The following APOBEC3A variants were observed in gnomAD, a reference collection of about 807,000 sequenced individuals.
APOBEC3A encodes DNA dC->dU-editing enzyme APOBEC-3A.
In APOBEC3A, 13 loss-of-function variants were observed where a neutral mutation model predicts 23.0. The observed-to-expected ratio is 0.57, with a 90% CI of 0.37 to 0.90. The LOEUF is 0.90. APOBEC3A is among the 40% of genes least tolerant of loss of function. The pLI, the probability that APOBEC3A is intolerant of heterozygous loss-of-function variation, is 0.01. For synonymous variants in APOBEC3A, 74 were observed against 101.3 expected, an observed-to-expected ratio of 0.73 and a Z score of 1.62; for missense variants, 179 against 264.9, an observed-to-expected ratio of 0.68 and a Z score of 2.25.
rs1922962319 is a variant in APOBEC3A at position 38,962,687 on chromosome 22, C to T, written c.*178C>T. On this transcript the variant is annotated 3_prime_UTR_variant, in exon 5 of 5. Coordinates refer to ENST00000249116, the MANE Select transcript of APOBEC3A (RefSeq NM_145699.4). ...TTAAAAAATCAGAGTGGGCCGGGCG[C>T]GGTGGCTCACGCCTGTAATCCCAGC... is the stretch of plus-strand genomic sequence containing the variant. 32 of 1,451,080 alleles carry T rather than the reference C, an allele frequency of 2.2e-5. 3 individuals carry two copies. The highest frequency in any genetic ancestry group is 1.5e-4 in the South Asian group (11 of 73,006). The allele number at this position is 1,451,080 out of a possible 1,614,324, so 89.9% of individuals were successfully genotyped here.
Position 38,962,478 on chromosome 22 carries a change from C to A in APOBEC3A, c.586-17C>A, listed in dbSNP as rs1444500871. On this transcript the variant is annotated splice_polypyrimidine_tract_variant and intron_variant, in intron 4 of 4. Transcript: ENST00000249116. ...CTCTCTCACCTCCTGCTCCATTCAA[C>A]CCCCCTGCTCTTCCAGAATCAGGGA... 1 of 1,598,428 alleles carries A rather than the reference C, an allele frequency of 6.3e-7. No individual in the cohort carries two copies. Among genetic ancestry groups the A allele is most frequent in the Non-Finnish European group, 8.5e-7 (1 of 1,172,704 alleles).
At position 38,962,668 on chromosome 22, in the gene APOBEC3A, A is replaced by T. The variant is rs999996492; in HGVS notation, c.*159A>T. On this transcript the variant is annotated 3_prime_UTR_variant, in exon 5 of 5. Transcript: ENST00000249116. ...CTCCCGATCAAGTAGATTTTTAAAA[A>T]ATCAGAGTGGGCCGGGCGCGGTGGC... The T allele has an allele frequency of 3.2e-5, 49 of 1,529,724 alleles. 3 individuals are homozygous for T. The highest frequency in any genetic ancestry group is 4.3e-5 in the Non-Finnish European group (49 of 1,136,174). 94.8% of individuals were successfully genotyped at this position (1,529,724 alleles called of 1,614,324 possible). A position where few individuals can be genotyped will look rare whatever the true frequency, so the allele number is the denominator to read the frequency against.
chr22:38,957,853 T>C (rs1922639940), intron 1 of APOBEC3A, 133 bp downstream of exon 1: 1 of 1,187,738 alleles, frequency 8.4e-7, no homozygotes, highest in Non-Finnish European at 1.2e-6. Flanking sequence ...ACCTGGCCTC[T>C]TGCTCTAGGT....
rs1455769028 is a variant in APOBEC3A, at chr22:38,962,882, C to T, written c.*373C>T. On this transcript the variant is annotated 3_prime_UTR_variant, in exon 5 of 5. Coordinates refer to ENST00000249116, the MANE Select transcript of APOBEC3A (RefSeq NM_145699.4). Reference sequence around the variant, plus strand: ...CTGAGGCAGGAGAGTAGCGTGAACCCGGGAGGCAGAGCTTGCGGTGAGCCG... The same window carrying T: ...CTGAGGCAGGAGAGTAGCGTGAACCTGGGAGGCAGAGCTTGCGGTGAGCCG... The T allele has an allele frequency of 2.4e-5, 8 of 331,338 alleles. No homozygotes were observed. The highest frequency in any genetic ancestry group is 3.3e-5 in the Non-Finnish European group (6 of 183,070). 20.5% of individuals were successfully genotyped at this position (331,338 alleles called of 1,614,324 possible). A position where few individuals can be genotyped will look rare whatever the true frequency, so the allele number is the denominator to read the frequency against.
At chr22:38,959,903 C>A (rs1349751360) in intron 2 of APOBEC3A, among the ~76,000 whole-genome samples, 1 of 152,162 alleles carries the variant, frequency 6.6e-6, no homozygotes, top group African/African-American at 2.4e-5. Flanking sequence ...CAAAGTGCTT[C>A]CTGAGGACCC....
Position 38,961,500 on chromosome 22 carries a change from C to T in APOBEC3A, c.288C>T (p.Ile96=). The part of the protein sequence containing the change: ...PAQIYRVTWF[I]SWSPCFSWGC... ...AGATCTACAGGGTCACTTGGTTCAT[C>T]TCCTGGAGCCCCTGCTTCTCCTGGG... The change falls in exon 3 of 5, where the codon ATC becomes ATT. Residue 96 remains isoleucine (I), a synonymous_variant. Coordinates refer to ENST00000249116, the MANE Select transcript of APOBEC3A (RefSeq NM_145699.4). The T allele has an allele frequency of 5.4e-6, 8 of 1,492,000 alleles. 1 individual carries two copies. The highest frequency in any genetic ancestry group is 7.4e-6 in the Non-Finnish European group (8 of 1,087,034). 92.4% of individuals were successfully genotyped at this position (1,492,000 alleles called of 1,614,324 possible). A position where few individuals can be genotyped will look rare whatever the true frequency, so the allele number is the denominator to read the frequency against.
intron 2 of APOBEC3A, among the ~76,000 whole-genome samples, chr22:38,960,500 CA>C (rs1194610980): frequency 6.6e-6 from 1 of 152,230 alleles, no homozygotes; most frequent in Non-Finnish European, 1.5e-5. Context: ...CCATCACAAT[CA>C]CAGTCCTTGC....
Position 38,962,544 on chromosome 22 carries a change from C to T in APOBEC3A, c.*35C>T. ...CTCAGTCTCTAAGGAAGGCAGAGACCTGGGTTGAGCAGCAGAATAAAAGAT... is the reference window on the plus strand; with the variant it reads ...CTCAGTCTCTAAGGAAGGCAGAGACTTGGGTTGAGCAGCAGAATAAAAGAT... On this transcript the variant is annotated 3_prime_UTR_variant, in exon 5 of 5. Coordinates refer to ENST00000249116, the MANE Select transcript of APOBEC3A (RefSeq NM_145699.4). The T allele has an allele frequency of 6.5e-7, 1 of 1,533,346 alleles. No homozygotes were observed. Among genetic ancestry groups the T allele is most frequent in the Non-Finnish European group, 8.8e-7 (1 of 1,140,434 alleles). 95.0% of individuals were successfully genotyped at this position (1,533,346 alleles called of 1,614,324 possible).
intron 1 of APOBEC3A, among the ~76,000 whole-genome samples, chr22:38,958,773 TTC>T (rs760246893): frequency 0.011 from 351 of 33,050 alleles, 8 homozygotes; most frequent in Non-Finnish European, 0.014. Flanking sequence ...CTCTTTCTCT[TTC>T]TTTCTTTCTT....
At position 38,962,095 on chromosome 22, in the gene APOBEC3A, C is replaced by T; in HGVS notation, c.470-3C>T. ...GTGACTTATCTCCCCTGTCCCTTTTCAGAATTTAAGCACTGCTGGGACACC... is the reference window on the plus strand; with the variant it reads ...GTGACTTATCTCCCCTGTCCCTTTTTAGAATTTAAGCACTGCTGGGACACC... On this transcript the variant is annotated splice_polypyrimidine_tract_variant and splice_region_variant and intron_variant, in intron 3 of 4. Transcript: ENST00000249116. The T allele has an allele frequency of 1.2e-6, 2 of 1,605,844 alleles. No homozygotes were observed. The highest frequency in any genetic ancestry group is 1.7e-6 in the Non-Finnish European group (2 of 1,174,590).
chr22:38,958,567 TTCTTTCCTTTC>T lies in APOBEC3A; in HGVS notation c.29+848_29+858del, dbSNP rs1200792424. Reference sequence around the variant, plus strand: ...CCTCCCTCCTTCCTTCCTCTCTTTCTTCTTTCCTTTCCTTCCTTTCTTCCTTCCTTCCTCTC... The same window carrying T: ...CCTCCCTCCTTCCTTCCTCTCTTTCTCTTCCTTTCTTCCTTCCTTCCTCTC... On this transcript the variant is annotated intron_variant, in intron 1 of 4. Coordinates refer to ENST00000249116, the MANE Select transcript of APOBEC3A (RefSeq NM_145699.4). Among the ~76,000 whole-genome samples, 322 of 93,062 alleles carry T rather than the reference TTCTTTCCTTTC, an allele frequency of 3.5e-3. 1 individual carries two copies. The highest frequency in any genetic ancestry group is 0.024 in the African/African-American group (313 of 13,224). The allele number at this position is 93,062 out of a possible 152,430, so 61.1% of individuals were successfully genotyped here.
At chr22:38,962,301 C>G (rs1175203360) in intron 4 of APOBEC3A, 88 bp downstream of exon 4, 1 of 1,603,082 alleles carries the variant, frequency 6.2e-7, no homozygotes, top group Non-Finnish European at 8.5e-7. Flanking sequence ...CTGCTCAGAG[C>G]CTCCTCTGGG....
intron 3 of APOBEC3A, 108 bp from the exon 4 acceptor site, chr22:38,961,990 G>C: frequency 7.0e-7 from 1 of 1,420,676 alleles, no homozygotes; most frequent in East Asian, 2.4e-5. Context: ...AGAGGGAAAG[G>C]AGGGACTGAA....
Position 38,962,707 on chromosome 22 carries a change from C to A in APOBEC3A, c.*198C>A, listed in dbSNP as rs1922963484. ...GGGCGCGGTGGCTCACGCCTGTAAT[C>A]CCAGCACTTTGGAGGCCAAGGCGGG... On this transcript the variant is annotated 3_prime_UTR_variant, in exon 5 of 5. Transcript: ENST00000249116. 30 of 1,378,322 alleles carry A rather than the reference C, an allele frequency of 2.2e-5. 2 individuals carry two copies. The highest frequency in any genetic ancestry group is 2.7e-5 in the Non-Finnish European group (28 of 1,032,086). 85.4% of individuals were successfully genotyped at this position (1,378,322 alleles called of 1,614,324 possible). A position where few individuals can be genotyped will look rare whatever the true frequency, so the allele number is the denominator to read the frequency against.
At position 38,962,332 on chromosome 22, in the gene APOBEC3A, G is replaced by A. The variant is rs567109495; in HGVS notation, c.585+119G>A. ...CTGGGTTCCCTGCTCCCCACAGGGC[G>A]CCCAGCTCCGTCCCTCCCTTTCCTT... On this transcript the variant is annotated intron_variant, in intron 4 of 4. Coordinates refer to ENST00000249116, the MANE Select transcript of APOBEC3A (RefSeq NM_145699.4). The A allele has an allele frequency of 5.4e-5, 84 of 1,569,476 alleles. No homozygotes were observed. The African/African-American group carries it at 5.5e-4, about 10-fold the overall frequency.
In APOBEC3A at chr22:38,958,068, A is replaced by C. The variant is rs182427924; in HGVS notation, c.29+348A>C. ...ACTATTTCTTGCAAATGTTCCATGTATCTGGACTTGGCCTAAGCCCTTTTT... is the reference window on the plus strand; with the variant it reads ...ACTATTTCTTGCAAATGTTCCATGTCTCTGGACTTGGCCTAAGCCCTTTTT... On this transcript the variant is annotated intron_variant, in intron 1 of 4. Transcript: ENST00000249116. 4.0e-3 allele frequency among the ~76,000 whole-genome samples: 615 copies of C among 152,346 alleles called. 8 individuals carry two copies. Among genetic ancestry groups the C allele is most frequent in the Middle Eastern group, 0.014 (4 of 294 alleles).
intron 4 of APOBEC3A, 85 bp from the exon 5 acceptor site, chr22:38,962,410 C>G (rs1922945965): frequency 1.3e-6 from 2 of 1,564,158 alleles, no homozygotes; most frequent in Non-Finnish European, 1.7e-6. Context: ...CCTCTCCCGT[C>G]ATTGTCACTG....
Position 38,957,663 on chromosome 22 carries a change from C to T in APOBEC3A, c.-29C>T, listed in dbSNP as rs1355888526. On this transcript the variant is annotated 5_prime_UTR_variant, in exon 1 of 5. Coordinates refer to ENST00000249116, the MANE Select transcript of APOBEC3A (RefSeq NM_145699.4). ...AGCAAGTCGCAAGAGCGGGAGGACACAGACCAGGAACCGAGAAGGGACAAG... is the reference window on the plus strand; with the variant it reads ...AGCAAGTCGCAAGAGCGGGAGGACATAGACCAGGAACCGAGAAGGGACAAG... 1.2e-6 allele frequency: 2 copies of T among 1,611,244 alleles called. No homozygotes were observed. The highest frequency in any genetic ancestry group is 2.2e-5 in the East Asian group (1 of 44,852).
At chr22:38,957,867 C>T (rs1197656883) in intron 1 of APOBEC3A, 147 bp downstream of exon 1, 1 of 1,057,310 alleles carries the variant, frequency 9.5e-7, no homozygotes, top group Non-Finnish European at 1.4e-6. Flanking sequence ...TCTAGGTTCC[C>T]AGTTTTGGTC....
Sources: gnomAD v4.1 joint callset for allele counts (sites outside exome capture counted in the v4.1 genomes callset) on GRCh38, gnomAD v4.1.1 for gene constraint, MANE v1.5 for transcripts, NCBI Gene and HGNC (gene_info 2026-07-23, HGNC 2026-07-21) for gene names.